The following FHIP2A variants were observed in gnomAD, a reference collection of about 807,000 sequenced individuals.
FHIP2A encodes the protein FHF complex subunit HOOK interacting protein 2A, also known as family with sequence similarity 160 member B1.
FHIP2A carries 46 observed loss-of-function variants against 93.5 expected under a neutral mutation model. That is an observed-to-expected ratio of 0.49 (90% CI 0.39 to 0.63). The LOEUF is 0.63. FHIP2A is among the 20% of genes least tolerant of loss of function. The probability of loss-of-function intolerance (pLI) is 0.00; values close to 1 mark genes in which losing one functional copy is unlikely to be tolerated. For synonymous variants in FHIP2A, 332 were observed against 326.5 expected (o/e 1.02, Z -0.18); for missense variants, 769 against 909.7 (o/e 0.85, Z 1.99).
chr10:114,835,631 G>T lies in FHIP2A; in HGVS notation c.389G>T (p.Arg130Met). The change falls in exon 4 of 17, where the codon AGG becomes ATG. Residue 130 changes from arginine to methionine, a missense_variant. Arg to Met is a moderately conservative substitution (Grantham distance 91, BLOSUM62 -1). Coordinates refer to ENST00000369248, the MANE Select transcript of FHIP2A (RefSeq NM_020940.4). ...QPLLPHINVH[R>M]PVQKLIRLCG... is the part of the protein sequence containing the mutation. ...CTACTTCCACACATTAACGTGCACA[G>T]GCCAGTGCAGGTATTTTGTTCCCCC... is the stretch of plus-strand genomic sequence containing the variant. 1 of 1,577,132 alleles carries T rather than the reference G, an allele frequency of 6.3e-7. No homozygotes were observed. Among genetic ancestry groups the T allele is most frequent in the Non-Finnish European group, 8.7e-7 (1 of 1,155,586 alleles).
intron 16 of FHIP2A, among the ~76,000 whole-genome samples, chr10:114,893,541 C>T (rs1343027865): frequency 3.9e-5 from 6 of 152,202 alleles, no homozygotes; most frequent in Non-Finnish European, 7.3e-5. Context: ...ACTTATATCC[C>T]TGAAAATCTT....
intron 16 of FHIP2A, among the ~76,000 whole-genome samples, chr10:114,881,378 G>A (rs983218299): frequency 6.6e-6 from 1 of 152,078 alleles, no homozygotes; most frequent in African/African-American, 2.4e-5. Flanking sequence ...CTTTCCTGGG[G>A]GCTGAGACGC....
rs970195044 is a variant in FHIP2A at position 114,847,298 on chromosome 10, T to C, written c.1712+65T>C. 7 of 1,465,900 alleles carry C rather than the reference T, an allele frequency of 4.8e-6. No individual in the cohort carries two copies. The African/African-American group carries it at 7.1e-5, about 15-fold the overall frequency. The allele number at this position is 1,465,900 out of a possible 1,614,324, so 90.8% of individuals were successfully genotyped here. A position where few individuals can be genotyped will look rare whatever the true frequency, so the allele number is the denominator to read the frequency against. On this transcript the variant is annotated intron_variant, in intron 12 of 16. Transcript: ENST00000369248. The stretch of plus-strand genomic sequence containing the variant: ...TTTTTGTTTTTGTTTATTAGTATTA[T>C]TATTTTTTGAGATGGAGTCTTGCTC...
Position 114,855,483 on chromosome 10 carries a change from T to A in FHIP2A, c.1947+143T>A, listed in dbSNP as rs1252468260. ...GGATGACTTTTTCATGAAGCTTGAT[T>A]GCCAACAACTGGCAGATTTCTGATG... On this transcript the variant is annotated intron_variant, in intron 14 of 16. Transcript: ENST00000369248. The A allele has an allele frequency of 7.3e-6, 5 of 688,152 alleles. No individual in the cohort carries two copies. The Middle Eastern group carries it at 1.7e-3, about 230-fold the overall frequency. The allele number at this position is 688,152 out of a possible 1,614,324, so 42.6% of individuals were successfully genotyped here.
At chr10:114,840,285 G>A (rs895386332) in intron 5 of FHIP2A, among the ~76,000 whole-genome samples, 3 of 152,184 alleles carry the variant, frequency 2.0e-5, no homozygotes, top group African/African-American at 7.2e-5. Flanking sequence ...TGAACATAAG[G>A]AATGAAGATG....
At chr10:114,849,362 A>G (rs2083721197) in intron 13 of FHIP2A, among the ~76,000 whole-genome samples, 1 of 152,046 alleles carries the variant, frequency 6.6e-6, no homozygotes, top group Non-Finnish European at 1.5e-5. Context: ...ATCCTCATAC[A>G]CAAGCCATTA....
intron 16 of FHIP2A, among the ~76,000 whole-genome samples, chr10:114,883,323 TCTC>T (rs775144910): frequency 6.6e-6 from 1 of 152,038 alleles, no homozygotes; most frequent in Non-Finnish European, 1.5e-5. Context: ...GGACATCAGT[TCTC>T]CTCTTCTCAT....
intron 7 of FHIP2A, among the ~76,000 whole-genome samples, chr10:114,844,585 T>C (rs2181563): frequency 0.55 from 83,755 of 152,028 alleles, 23,845 homozygotes; most frequent in African/African-American, 0.7. Context: ...GTTAACATTA[T>C]GACTGTATTG....
chr10:114,864,307 A>G lies in FHIP2A; in HGVS notation c.*2767A>G. On this transcript the variant is annotated 3_prime_UTR_variant, in exon 17 of 17. Coordinates refer to ENST00000369248, the MANE Select transcript of FHIP2A (RefSeq NM_020940.4). ...TGAAGTCCATCAGTATTGACAGAAG[A>G]CGTTACAGTGAAGTGCTAAAACCAC... The G allele has an allele frequency of 1.0e-6, 1 of 985,342 alleles. No homozygotes were observed. Among genetic ancestry groups the G allele is most frequent in the African/African-American group, 1.7e-5 (1 of 57,346 alleles). The allele number at this position is 985,342 out of a possible 1,614,324, so 61.0% of individuals were successfully genotyped here. A position where few individuals can be genotyped will look rare whatever the true frequency, so the allele number is the denominator to read the frequency against.
intron 16 of FHIP2A, among the ~76,000 whole-genome samples, chr10:114,895,201 T>C (rs1260928437): frequency 6.6e-6 from 1 of 152,214 alleles, no homozygotes. Context: ...GCATCACTGA[T>C]AGTTTGACTT....
Position 114,843,092 on chromosome 10 carries a change from C to T in FHIP2A, c.682C>T (p.Pro228Ser). ...GGAGCAAACAGAATTGGAAGATGAG[C>T]CTCCTCATCAGATGGATCACCTGTC... The part of the protein sequence containing the change: ...GMEQTELEDE[P>S]PHQMDHLSTS... The change falls in exon 6 of 17, where the codon CCT becomes TCT. Residue 228 changes from proline to serine, a missense_variant. By Grantham distance (74) the Pro-to-Ser change is moderately conservative. Coordinates refer to ENST00000369248, the MANE Select transcript of FHIP2A (RefSeq NM_020940.4). The T allele has an allele frequency of 1.9e-6, 3 of 1,614,020 alleles. No homozygotes were observed. The highest frequency in any genetic ancestry group is 2.5e-6 in the Non-Finnish European group (3 of 1,179,952).
At position 114,871,583 on chromosome 10, in the gene FHIP2A, C is replaced by G. The variant is rs541433747; in HGVS notation, c.2192+10249C>G. Among the ~76,000 whole-genome samples, 359 of 152,220 alleles carry G rather than the reference C, an allele frequency of 2.4e-3. 4 individuals are homozygous for G. The highest frequency in any genetic ancestry group is 8.0e-3 in the African/African-American group (333 of 41,532). ...CCTTCCAACATTGATGTAACCAACTCCCATATGAAATTCCCTCTGCAGAAA... is the reference window on the plus strand; with the variant it reads ...CCTTCCAACATTGATGTAACCAACTGCCATATGAAATTCCCTCTGCAGAAA... On this transcript the variant is annotated intron_variant, in intron 16 of 16. Transcript: ENST00000369250.
rs926923364 is a variant in FHIP2A at position 114,862,051 on chromosome 10, A to G, written c.*511A>G. On this transcript the variant is annotated 3_prime_UTR_variant, in exon 17 of 17. Coordinates refer to ENST00000369248, the MANE Select transcript of FHIP2A (RefSeq NM_020940.4). ...AATGAGAAAAAAATACAATTCAGAA[A>G]CCATTGAATGAATTAATTATAGGCG... 6 of 967,476 alleles carry G rather than the reference A, an allele frequency of 6.2e-6. No individual in the cohort carries two copies. The highest frequency in any genetic ancestry group is 6.1e-5 in the Admixed American group (1 of 16,264). 59.9% of individuals were successfully genotyped at this position (967,476 alleles called of 1,614,324 possible).
chr10:114,881,136 A>G (rs1355054034), intron 16 of FHIP2A, among the ~76,000 whole-genome samples: 1 of 152,182 alleles, frequency 6.6e-6, no homozygotes, highest in Non-Finnish European at 1.5e-5. Flanking sequence ...CATGCCTGCA[A>G]GTTCTCCCAG....
intron 5 of FHIP2A, among the ~76,000 whole-genome samples, chr10:114,839,422 C>T (rs1403621720): frequency 1.3e-5 from 2 of 152,118 alleles, no homozygotes; most frequent in Admixed American, 1.3e-4. Flanking sequence ...CCACCATGGC[C>T]AGCCAGAAAT....
Position 114,863,312 on chromosome 10 carries a change from G to A in FHIP2A, c.*1772G>A. ...ATTTACATTTCTAGATGTAGTAACA[G>A]TCTACTTTGATATATGAGTATTTAA... On this transcript the variant is annotated 3_prime_UTR_variant, in exon 17 of 17. Coordinates refer to ENST00000369248, the MANE Select transcript of FHIP2A (RefSeq NM_020940.4). The A allele has an allele frequency of 1.0e-6, 1 of 979,442 alleles. No individual in the cohort carries two copies. Among genetic ancestry groups the A allele is most frequent in the Non-Finnish European group, 1.2e-6 (1 of 824,394 alleles). 60.7% of individuals were successfully genotyped at this position (979,442 alleles called of 1,614,324 possible). A position where few individuals can be genotyped will look rare whatever the true frequency, so the allele number is the denominator to read the frequency against.
intron 8 of FHIP2A, 25 bp downstream of exon 8, chr10:114,845,506 G>T (rs1473675779): frequency 7.1e-7 from 1 of 1,416,464 alleles, no homozygotes; most frequent in South Asian, 1.2e-5. Flanking sequence ...ATTGTTTTTT[G>T]ATCATTTTAA....
intron 1 of FHIP2A, among the ~76,000 whole-genome samples, chr10:114,822,733 T>C (rs1446151677): frequency 2.6e-5 from 4 of 152,170 alleles, no homozygotes; most frequent in African/African-American, 4.8e-5. Context: ...ACCTTATGTA[T>C]TGATCTGAAA....
At chr10:114,845,823 T>A (rs1048601784) in intron 8 of FHIP2A, among the ~76,000 whole-genome samples, 190 bp from the exon 9 acceptor site, 1 of 152,168 alleles carries the variant, frequency 6.6e-6, no homozygotes, top group African/African-American at 2.4e-5. Flanking sequence ...TCTTGGAAAT[T>A]TAGAAAAAAG....
Sources: allele counts gnomAD v4.1 joint callset (sites outside exome capture counted in the v4.1 genomes callset), GRCh38; gene constraint gnomAD v4.1.1; transcripts MANE v1.5; gene names NCBI Gene and HGNC (gene_info 2026-07-23, HGNC 2026-07-21).